Variants in RBMXL1 observed in about 807,000 individuals in gnomAD.
RBMXL1 encodes the protein RNA binding motif protein, X-linked-like-1.
A neutral mutation model predicts 29.0 loss-of-function variants in RBMXL1; 18 were observed. The observed-to-expected ratio is 0.62, with a 90% CI of 0.43 to 0.92. The LOEUF (loss-of-function observed/expected upper bound fraction) is 0.92, where lower values mean the gene tolerates loss of function less well. Among genes scored for constraint, RBMXL1 ranks in the 40% least tolerant of loss-of-function variants. The pLI, the probability that RBMXL1 is intolerant of heterozygous loss-of-function variation, is 0.00. For synonymous variants in RBMXL1, 141 were observed against 170.4 expected (o/e 0.83, Z 1.34); for missense variants, 403 against 495.8 (o/e 0.81, Z 1.78).
In RBMXL1 at chr1:88,988,310, C is replaced by G. The variant is rs2101099792; in HGVS notation, c.-299G>C. ...AGAAATTGTCTTCAGGAATTTTGCTCTACCGCTAAGAGAGCAGAGGCTCCT... is the reference window on the plus strand; with the variant it reads ...AGAAATTGTCTTCAGGAATTTTGCTGTACCGCTAAGAGAGCAGAGGCTCCT... On this transcript the variant is annotated 5_prime_UTR_variant, in exon 2 of 3. Coordinates refer to ENST00000652648, the MANE Select transcript of RBMXL1 (RefSeq NM_001162536.3). 6.2e-7 allele frequency: 1 copy of G among 1,613,730 alleles called. No individual in the cohort carries two copies. The highest frequency in any genetic ancestry group is 8.5e-7 in the Non-Finnish European group (1 of 1,179,756).
Position 88,981,551 on chromosome 1 carries a change from T to G in RBMXL1, c.*1103A>C, listed in dbSNP as rs1452935335. 1 of 156,234 alleles carries G rather than the reference T, an allele frequency of 6.4e-6. No individual in the cohort carries two copies. Among genetic ancestry groups the G allele is most frequent in the African/African-American group, 2.4e-5 (1 of 41,518 alleles). 9.7% of individuals were successfully genotyped at this position (156,234 alleles called of 1,614,324 possible). A position where few individuals can be genotyped will look rare whatever the true frequency, so the allele number is the denominator to read the frequency against. On this transcript the variant is annotated 3_prime_UTR_variant, in exon 3 of 3. Transcript: ENST00000652648. ...AATCAACACTGATGCCTTCCTGAGA[T>G]CCACAGGAACCCTTGAAGGCAAAAT...
rs1326274433 is a variant in RBMXL1 at position 88,980,205 on chromosome 1, G to C, written c.*2449C>G. Reference sequence around the variant, plus strand: ...GAGGAATCTTTTGGGGGCGATGGAAGTGTTCTGCATGTTGATGGTGACAGT... The same window carrying C: ...GAGGAATCTTTTGGGGGCGATGGAACTGTTCTGCATGTTGATGGTGACAGT... On this transcript the variant is annotated 3_prime_UTR_variant, in exon 3 of 3. Coordinates refer to ENST00000652648, the MANE Select transcript of RBMXL1 (RefSeq NM_001162536.3). 6.6e-6 allele frequency: 1 copy of C among 152,532 alleles called. No individual in the cohort carries two copies. The highest frequency in any genetic ancestry group is 2.4e-5 in the African/African-American group (1 of 41,444). The allele number at this position is 152,532 out of a possible 1,614,324, so 9.4% of individuals were successfully genotyped here.
At chr1:88,987,701 A>G (rs1217324792) in intron 2 of RBMXL1, among the ~76,000 whole-genome samples, 2 of 152,204 alleles carry the variant, frequency 1.3e-5, no homozygotes, top group Non-Finnish European at 2.9e-5. Flanking sequence ...AGGTCATTAC[A>G]TCCCTACATA....
In RBMXL1 at chr1:88,983,908, C is replaced by T; in HGVS notation, c.-82G>A. Reference sequence around the variant, plus strand: ...CGCCGACAGGGGCTTCCTAGCAGCTCAGCACCAGTGGCGGCTGTCAGTTAG... The same window carrying T: ...CGCCGACAGGGGCTTCCTAGCAGCTTAGCACCAGTGGCGGCTGTCAGTTAG... On this transcript the variant is annotated 5_prime_UTR_variant, in exon 3 of 3. Coordinates refer to ENST00000652648, the MANE Select transcript of RBMXL1 (RefSeq NM_001162536.3). The T allele has an allele frequency of 6.5e-7, 1 of 1,543,136 alleles. No individual in the cohort carries two copies. Among genetic ancestry groups the T allele is most frequent in the Non-Finnish European group, 8.9e-7 (1 of 1,117,748 alleles).
chr1:88,980,407 T>C lies in RBMXL1; in HGVS notation c.*2247A>G, dbSNP rs1478161134. 1 of 151,756 alleles carries C rather than the reference T, an allele frequency of 6.6e-6. No homozygotes were observed. The highest frequency in any genetic ancestry group is 2.5e-5 in the African/African-American group (1 of 40,644). 9.4% of individuals were successfully genotyped at this position (151,756 alleles called of 1,614,324 possible). On this transcript the variant is annotated 3_prime_UTR_variant, in exon 3 of 3. Coordinates refer to ENST00000652648, the MANE Select transcript of RBMXL1 (RefSeq NM_001162536.3). ...CCAAGCAAGCCAACTTTAACAAAAT[T>C]ATCTCATAGATTTTGGATTTTTTTT...
In RBMXL1 at chr1:88,988,237, G is replaced by A; in HGVS notation, c.-241+15C>T. ...AATATGTACAATAATTTATCTGTAA[G>A]TAAGCAATACCTACAGCAGAAGTAG... On this transcript the variant is annotated intron_variant, in intron 2 of 2. Coordinates refer to ENST00000652648, the MANE Select transcript of RBMXL1 (RefSeq NM_001162536.3). 1 of 1,560,322 alleles carries A rather than the reference G, an allele frequency of 6.4e-7. No individual in the cohort carries two copies. Among genetic ancestry groups the A allele is most frequent in the Non-Finnish European group, 8.8e-7 (1 of 1,134,540 alleles).
rs562137426 is a variant in RBMXL1 at position 88,988,127 on chromosome 1, T to A, written c.-241+125A>T. 8 of 620,170 alleles carry A rather than the reference T, an allele frequency of 1.3e-5. No homozygotes were observed. In the South Asian group the frequency reaches 1.8e-4, roughly 14 times the overall value. The allele number at this position is 620,170 out of a possible 1,614,324, so 38.4% of individuals were successfully genotyped here. ...TTCTAGTCAATGACAAGAGACACCT[T>A]CAGCATATGTAATAGAAATGTTCAT... On this transcript the variant is annotated intron_variant, in intron 2 of 2. Coordinates refer to ENST00000652648, the MANE Select transcript of RBMXL1 (RefSeq NM_001162536.3).
At chr1:88,985,816 CTT>C (rs1358131249) in intron 2 of RBMXL1, among the ~76,000 whole-genome samples, 4 of 152,150 alleles carry the variant, frequency 2.6e-5, no homozygotes, top group Non-Finnish European at 5.9e-5. Context: ...GGATGAGTAA[CTT>C]TGCACTAAAG....
At chr1:88,989,677 G>A (rs2101103624) in intron 1 of RBMXL1, among the ~76,000 whole-genome samples, 1 of 152,250 alleles carries the variant, frequency 6.6e-6, no homozygotes, top group African/African-American at 2.4e-5. Context: ...CAGCTTCTGG[G>A]AGATTTCACC....
chr1:88,982,126 G>T lies in RBMXL1; in HGVS notation c.*528C>A, dbSNP rs1180741099. On this transcript the variant is annotated 3_prime_UTR_variant, in exon 3 of 3. Transcript: ENST00000652648. Reference sequence around the variant, plus strand: ...TCCATTTGCTTTTTTTGGGTTTACTGGGTGAATAGCACTTTCCTTACATAG... The same window carrying T: ...TCCATTTGCTTTTTTTGGGTTTACTTGGTGAATAGCACTTTCCTTACATAG... The T allele has an allele frequency of 3.1e-6, 3 of 981,224 alleles. No individual in the cohort carries two copies. The highest frequency in any genetic ancestry group is 4.7e-5 in the South Asian group (1 of 21,310). 60.8% of individuals were successfully genotyped at this position (981,224 alleles called of 1,614,324 possible). A position where few individuals can be genotyped will look rare whatever the true frequency, so the allele number is the denominator to read the frequency against.
chr1:88,987,078 C>T (rs1375711751), intron 2 of RBMXL1, among the ~76,000 whole-genome samples: 1 of 152,214 alleles, frequency 6.6e-6, no homozygotes, highest in African/African-American at 2.4e-5. Flanking sequence ...TTGAATAATG[C>T]ATTGTCAGTG....
In RBMXL1 at chr1:88,981,377, A is replaced by G. The variant is rs1203612150; in HGVS notation, c.*1277T>C. 6.6e-6 allele frequency: 1 copy of G among 152,362 alleles called. No homozygotes were observed. Among genetic ancestry groups the G allele is most frequent in the Non-Finnish European group, 1.5e-5 (1 of 68,142 alleles). The allele number at this position is 152,362 out of a possible 1,614,324, so 9.4% of individuals were successfully genotyped here. A position where few individuals can be genotyped will look rare whatever the true frequency, so the allele number is the denominator to read the frequency against. The stretch of plus-strand genomic sequence containing the variant: ...GAGTTGTCCCCATGACTTTAGCTAA[A>G]CAAAATGAAACCCAAAGCTGTAAAA... On this transcript the variant is annotated 3_prime_UTR_variant, in exon 3 of 3. Coordinates refer to ENST00000652648, the MANE Select transcript of RBMXL1 (RefSeq NM_001162536.3).
chr1:88,983,901 A>G lies in RBMXL1; in HGVS notation c.-75T>C. The G allele has an allele frequency of 6.4e-7, 1 of 1,571,562 alleles. No homozygotes were observed. Among genetic ancestry groups the G allele is most frequent in the Admixed American group, 1.7e-5 (1 of 59,638 alleles). Reference sequence around the variant, plus strand: ...ACAAGCTCGCCGACAGGGGCTTCCTAGCAGCTCAGCACCAGTGGCGGCTGT... The same window carrying G: ...ACAAGCTCGCCGACAGGGGCTTCCTGGCAGCTCAGCACCAGTGGCGGCTGT... On this transcript the variant is annotated 5_prime_UTR_variant, in exon 3 of 3. Coordinates refer to ENST00000652648, the MANE Select transcript of RBMXL1 (RefSeq NM_001162536.3).
intron 1 of RBMXL1, among the ~76,000 whole-genome samples, chr1:88,990,349 T>G (rs184922522): frequency 4.9e-4 from 75 of 152,204 alleles, no homozygotes; most frequent in Non-Finnish European, 7.9e-4. Flanking sequence ...TTTTACTAGC[T>G]CTCTCCTTTT....
intron 2 of RBMXL1, among the ~76,000 whole-genome samples, chr1:88,987,212 A>G (rs2101096743): frequency 6.6e-6 from 1 of 152,350 alleles, no homozygotes; most frequent in South Asian, 2.1e-4. Flanking sequence ...AGTTCCACAA[A>G]TGAGGATTGT....
At position 88,985,962 on chromosome 1, in the gene RBMXL1, C is replaced by G. The variant is rs150678197; in HGVS notation, c.-240-1896G>C. On this transcript the variant is annotated intron_variant, in intron 2 of 2. Transcript: ENST00000652648. ...TTGGGAGGCTGAGGAGGGTGGATCA[C>G]TTGAGCCCAGTAGTTTGAGACCAGC... Among the ~76,000 whole-genome samples the G allele has an allele frequency of 8.5e-5, 13 of 152,202 alleles. No homozygotes were observed. In the East Asian group the frequency reaches 2.5e-3, roughly 29 times the overall value.
At chr1:88,984,888 C>T (rs974359934) in intron 2 of RBMXL1, among the ~76,000 whole-genome samples, 9 of 152,192 alleles carry the variant, frequency 5.9e-5, no homozygotes, top group African/African-American at 2.2e-4. Flanking sequence ...TCCTTTACTA[C>T]ATATGAATTT....
At position 88,983,539 on chromosome 1, in the gene RBMXL1, C is replaced by A; in HGVS notation, c.288G>T (p.Pro96=). 6.2e-7 allele frequency: 1 copy of A among 1,614,220 alleles called. No homozygotes were observed. The highest frequency in any genetic ancestry group is 8.5e-7 in the Non-Finnish European group (1 of 1,180,032). The change falls in exon 3 of 3, where the codon CCG becomes CCT. Residue 96 remains proline, a synonymous_variant. Coordinates refer to ENST00000652648, the MANE Select transcript of RBMXL1 (RefSeq NM_001162536.3). ...KPSFERGRHG[P]PPPPRSRGPP... ...GACCTCTACTTCTTGGAGGTGGGGG[C>A]GGTCCATGTCTACCTCTTTCAAATG...
intron 1 of RBMXL1, among the ~76,000 whole-genome samples, chr1:88,989,697 G>A (rs900902709): frequency 4.6e-5 from 7 of 152,156 alleles, no homozygotes. Context: ...CCCAGACTGG[G>A]TGAGCCATAC....
Sources: gnomAD v4.1 joint callset for allele counts (sites outside exome capture counted in the v4.1 genomes callset) on GRCh38, gnomAD v4.1.1 for gene constraint, MANE v1.5 for transcripts, NCBI Gene and HGNC (gene_info 2026-07-23, HGNC 2026-07-21) for gene names.